Variants in DYNC2LI1 observed in about 807,000 individuals in gnomAD.
The protein encoded by DYNC2LI1 is dynein cytoplasmic 2 light intermediate chain 1.
Under a neutral mutation model 51.9 loss-of-function variants are expected in DYNC2LI1, and 45 were observed. The observed-to-expected ratio is 0.87, with a 90% CI of 0.68 to 1.11. DYNC2LI1 has a LOEUF of 1.11. Ranked by LOEUF, DYNC2LI1 falls within the 50% of genes most tolerant of loss-of-function variation. The probability of loss-of-function intolerance (pLI) is 0.00; values close to 1 mark genes in which losing one functional copy is unlikely to be tolerated. For synonymous variants in DYNC2LI1, 130 were observed against 137.8 expected (o/e 0.94, Z 0.40); for missense variants, 490 against 417.4 (o/e 1.17, Z -1.51).
Position 43,776,802 on chromosome 2 carries a change from C to A in DYNC2LI1, c.29C>A (p.Ala10Glu). ...TGTAGTGAAACTCTCTGGGAAATTG[C>A]AAAAGCTGAAGTGGAAAAAAGGGGA... The part of the protein sequence containing the change: MPSETLWEI[A>E]KAEVEKRGIN... The change falls in exon 2 of 13, where the codon GCA (alanine) becomes GAA (glutamate). Residue 10 changes from alanine (A) to glutamate (E), a missense_variant. Physicochemically the swap from Ala to Glu is moderately radical, Grantham distance 107. Transcript: ENST00000260605. 1 of 1,583,106 alleles carries A rather than the reference C, an allele frequency of 6.3e-7. No individual in the cohort carries two copies. The highest frequency in any genetic ancestry group is 8.6e-7 in the Non-Finnish European group (1 of 1,164,494).
intron 7 of DYNC2LI1, 83 bp downstream of exon 7, chr2:43,796,041 A>G: frequency 1.0e-6 from 1 of 954,046 alleles, no homozygotes; most frequent in South Asian, 1.6e-5. Context: ...TAATATCAAA[A>G]TAAGAAAAAT....
chr2:43,824,980 C>T, the DYNC2LI1 span: 1 of 1,614,002 alleles, frequency 6.2e-7, no homozygotes, highest in Non-Finnish European at 8.5e-7. Context: ...CACAGAAAAT[C>T]AGCTCTCCGA....
chr2:43,777,503 C>T (rs1462091660), intron 2 of DYNC2LI1, among the ~76,000 whole-genome samples: 1 of 152,192 alleles, frequency 6.6e-6, no homozygotes, highest in Non-Finnish European at 1.5e-5. Flanking sequence ...AAAGTTCCTG[C>T]CAGGAAGGCA....
the DYNC2LI1 span, chr2:43,828,150 T>G: frequency 6.2e-7 from 1 of 1,612,814 alleles, no homozygotes; most frequent in Non-Finnish European, 8.5e-7. Flanking sequence ...AGGCTGGGAG[T>G]CTCTGTGGCT....
intron 8 of DYNC2LI1, among the ~76,000 whole-genome samples, chr2:43,800,573 A>T (rs1252875429): frequency 6.6e-6 from 1 of 152,180 alleles, no homozygotes; most frequent in South Asian, 2.1e-4. Context: ...GACAGTGATT[A>T]TGGTCCATTT....
the DYNC2LI1 span, chr2:43,822,573 C>G: frequency 4.9e-4 from 487 of 985,198 alleles, 4 homozygotes; most frequent in South Asian, 3.4e-3. Context: ...TTCCCAGGCA[C>G]ATGTCATCTT....
chr2:43,792,738 T>G (rs1488635643), intron 5 of DYNC2LI1: 2 of 1,547,916 alleles, frequency 1.3e-6, no homozygotes, highest in Non-Finnish European at 1.7e-6. Flanking sequence ...GTACCTCATA[T>G]AAATGAAATC....
At chr2:43,797,928 C>G (rs138097344) in intron 8 of DYNC2LI1, among the ~76,000 whole-genome samples, 103 of 152,198 alleles carry the variant, frequency 6.8e-4, no homozygotes, top group African/African-American at 2.4e-3. Flanking sequence ...GAGTTTCAGA[C>G]CAGCCTGGGC....
rs562500389 is a variant in DYNC2LI1 at position 43,786,715 on chromosome 2, A to G, written c.162-466A>G. Among the ~76,000 whole-genome samples the G allele has an allele frequency of 2.4e-4, 37 of 152,202 alleles. No individual in the cohort carries two copies. In the East Asian group the frequency reaches 7.2e-3, roughly 29 times the overall value. Reference sequence around the variant, plus strand: ...GTGGCGGGTGCTTGTAGTCCCAGCTACTCGGGAGGCTGAGGCAGGAGAATG... The same window carrying G: ...GTGGCGGGTGCTTGTAGTCCCAGCTGCTCGGGAGGCTGAGGCAGGAGAATG... On this transcript the variant is annotated intron_variant, in intron 3 of 12. Coordinates refer to ENST00000260605, the MANE Select transcript of DYNC2LI1 (RefSeq NM_016008.4).
intron 8 of DYNC2LI1, among the ~76,000 whole-genome samples, 167 bp from the exon 9 acceptor site, chr2:43,800,674 G>C (rs571503992): frequency 6.6e-6 from 1 of 152,238 alleles, no homozygotes; most frequent in African/African-American, 2.4e-5. Flanking sequence ...AAGTTACCAA[G>C]ATTTCTTTAT....
At chr2:43,825,974 G>C in the DYNC2LI1 span, among the ~76,000 whole-genome samples, 1,451 of 149,758 alleles carry the variant, frequency 9.7e-3, 14 homozygotes, top group Non-Finnish European at 0.014. Context: ...TAGCACTAAC[G>C]GTTTTTTGTT....
At chr2:43,784,454 T>A (rs1673427283) in intron 3 of DYNC2LI1, among the ~76,000 whole-genome samples, 1 of 152,144 alleles carries the variant, frequency 6.6e-6, no homozygotes, top group African/African-American at 2.4e-5. Flanking sequence ...CTTTTTTTTT[T>A]TTGAGATGGA....
the DYNC2LI1 span, chr2:43,822,478 G>GCACCC: frequency 2.3e-6 from 1 of 432,260 alleles, no homozygotes; most frequent in South Asian, 1.1e-4. Flanking sequence ...CCTCCCCCAG[G>GCACCC]CCCCCCCCCA....
chr2:43,781,896 C>T (rs1673304750), intron 2 of DYNC2LI1: 1 of 152,132 alleles, frequency 6.6e-6, no homozygotes, highest in Non-Finnish European at 1.5e-5. Context: ...GCCACCATGC[C>T]TGGCAGAAAA....
At chr2:43,824,608 G>A in the DYNC2LI1 span, 1 of 985,408 alleles carries the variant, frequency 1.0e-6, no homozygotes, top group Non-Finnish European at 1.2e-6. Flanking sequence ...AGGGCCTTGA[G>A]GATCCCATTG....
At chr2:43,828,284 A>G in the DYNC2LI1 span, 1 of 897,074 alleles carries the variant, frequency 1.1e-6, no homozygotes, top group East Asian at 2.6e-5. Flanking sequence ...ATATGATCCA[A>G]TTCGGCTTAA....
At chr2:43,789,603 T>C in intron 4 of DYNC2LI1, 30 bp from the exon 5 acceptor site, 3 of 1,598,936 alleles carry the variant, frequency 1.9e-6, no homozygotes, top group South Asian at 2.2e-5. Context: ...GTACTTAAAC[T>C]TCAAAAAATC....
intron 12 of DYNC2LI1, among the ~76,000 whole-genome samples, chr2:43,805,948 C>G (rs981739862): frequency 4.0e-5 from 6 of 151,786 alleles, no homozygotes; most frequent in African/African-American, 1.5e-4. Context: ...GTGGCATGAC[C>G]TCGGCTCACT....
At chr2:43,820,676 C>T in the DYNC2LI1 span, among the ~76,000 whole-genome samples, 11 of 152,110 alleles carry the variant, frequency 7.2e-5, no homozygotes, top group African/African-American at 2.2e-4. Flanking sequence ...TTTTTTGAGA[C>T]GGAGTTGCAC....
Sources: gnomAD v4.1 joint callset for allele counts (sites outside exome capture counted in the v4.1 genomes callset) on GRCh38, gnomAD v4.1.1 for gene constraint, MANE v1.5 for transcripts, NCBI Gene and HGNC (gene_info 2026-07-23, HGNC 2026-07-21) for gene names.